NOTUM: variants seen among roughly 807,000 people sequenced by gnomAD.
NOTUM encodes palmitoleoyl-protein carboxylesterase NOTUM.
Under a neutral mutation model 65.5 loss-of-function variants are expected in NOTUM, and 36 were observed. That is an observed-to-expected ratio of 0.55 (90% CI 0.42 to 0.73). NOTUM has a LOEUF of 0.73. Ranked by LOEUF, NOTUM falls within the 30% of genes least tolerant of loss-of-function variation. The pLI, the probability that NOTUM is intolerant of heterozygous loss-of-function variation, is 0.00. For missense variants in NOTUM, 659 were observed against 694.2 expected (o/e 0.95, Z 0.57); for synonymous variants, 356 against 297.9 (o/e 1.20, Z -2.01).
intron 6 of NOTUM, 72 bp from the exon 7 acceptor site, chr17:81,957,146 T>G: frequency 7.4e-7 from 1 of 1,351,638 alleles, no homozygotes; most frequent in Non-Finnish European, 1.0e-6. Flanking sequence ...CTGCTCAGCG[T>G]CAGCCCGTGC....
At chr17:81,958,841 A>G in intron 4 of NOTUM, 94 bp downstream of exon 4, 1 of 942,094 alleles carries the variant, frequency 1.1e-6, no homozygotes, top group Non-Finnish European at 1.7e-6. Flanking sequence ...CCCCCAGGAA[A>G]GACCATTTCA....
At chr17:81,958,794 G>T in intron 4 of NOTUM, 141 bp downstream of exon 4, 1 of 673,584 alleles carries the variant, frequency 1.5e-6, no homozygotes, top group Non-Finnish European at 2.6e-6. Context: ...AACCCCTCTA[G>T]GACAGGACCT....
chr17:81,958,811 A>G, intron 4 of NOTUM, 124 bp downstream of exon 4: 6 of 733,504 alleles, frequency 8.2e-6, no homozygotes, highest in Non-Finnish European at 1.4e-5. Flanking sequence ...ACCTCCCCAA[A>G]AGAACCATCC....
chr17:81,960,854 C>A lies in NOTUM; in HGVS notation c.56G>T (p.Gly19Val). 6.7e-7 allele frequency: 1 copy of A among 1,486,294 alleles called. No individual in the cohort carries two copies. The highest frequency in any genetic ancestry group is 1.3e-5 in the South Asian group (1 of 76,372). 92.1% of individuals were successfully genotyped at this position (1,486,294 alleles called of 1,614,324 possible). Residue 19 changes from glycine to valine, a missense_variant, in exon 1 of 11, where the codon GGC becomes GTC. By Grantham distance (109) the Gly-to-Val change is moderately radical. Transcript: ENST00000409678. This position sits in a 1 kb window ranked among gnomAD's most constrained non-coding sequence, Gnocchi z 6.4. ...LLLSLLHCAGGSEGRKTWRRR... is the reference protein window; with the variant it reads ...LLLSLLHCAGVSEGRKTWRRR... The stretch of plus-strand genomic sequence containing the variant: ...CCGCCAGGTCTTCCTGCCCTCGCTG[C>A]CCCCGGCGCAGTGCAGCAGGCTCAG...
chr17:81,960,736 G>A lies in NOTUM; in HGVS notation c.174C>T (p.Ala58=), dbSNP rs1321830556. Residue 58 remains alanine, a synonymous_variant, in exon 1 of 11, where the codon GCC becomes GCT. Coordinates refer to ENST00000409678, the MANE Select transcript of NOTUM (RefSeq NM_178493.6). This position sits in a 1 kb window ranked among gnomAD's most constrained non-coding sequence, Gnocchi z 6.4. ...PVESFPLDFT[A]VEGNMDSFMA... ...TGAAGCTGTCCATGTTACCCTCCAC[G>A]GCCGTGAAGTCCAGCGGGAAGCTCT... 4 of 1,600,346 alleles carry A rather than the reference G, an allele frequency of 2.5e-6. No homozygotes were observed. Among genetic ancestry groups the A allele is most frequent in the African/African-American group, 2.7e-5 (2 of 74,734 alleles).
chr17:81,958,875 C>T, intron 4 of NOTUM, 60 bp downstream of exon 4: 3 of 1,278,076 alleles, frequency 2.3e-6, no homozygotes, highest in Admixed American at 1.7e-5. Flanking sequence ...CAAGGAAGGA[C>T]CCCCCGGGAA....
rs556378468 is a variant in NOTUM at position 81,956,992 on chromosome 17, G to A, written c.778C>T (p.Arg260Ter). The A allele has an allele frequency of 1.9e-6, 3 of 1,612,544 alleles. No homozygotes were observed. Among genetic ancestry groups the A allele is most frequent in the South Asian group, 2.2e-5 (2 of 91,070 alleles). ...EKLGYPAIQV[R>*]GLADSGWFLD... is the part of the protein sequence containing the mutation. ...AACCAGCCGGAGTCAGCCAGGCCTC[G>A]CACCTGGATGGCTGGGTAGCCCAGC... The change falls in exon 7 of 11, where the codon CGA becomes TGA. Residue 260 changes from arginine to a stop codon, truncating the protein, a stop_gained. Coordinates refer to ENST00000409678, the MANE Select transcript of NOTUM (RefSeq NM_178493.6). LOFTEE classifies it high-confidence loss of function.
chr17:81,960,619 G>T lies in NOTUM; in HGVS notation c.291C>A (p.Thr97=). The T allele has an allele frequency of 6.5e-7, 1 of 1,532,948 alleles. No homozygotes were observed. The highest frequency in any genetic ancestry group is 8.8e-7 in the Non-Finnish European group (1 of 1,131,686). The allele number at this position is 1,532,948 out of a possible 1,614,324, so 95.0% of individuals were successfully genotyped here. Residue 97 remains threonine (T), a synonymous_variant, in exon 1 of 11, where the codon ACC becomes ACA. Transcript: ENST00000409678. This position sits in a 1 kb window ranked among gnomAD's most constrained non-coding sequence, Gnocchi z 6.4. ...GGCTGCCGTCGTTGCAGGTCACCGA[G>T]GTGTTGAGTAGGAGGTGCAGGCGCA... The part of the protein sequence containing the change: ...EDLRLHLLLN[T]SVTCNDGSPA...
Position 81,953,059 on chromosome 17 carries a change from G to A in NOTUM, c.1393C>T (p.Gln465Ter), listed in dbSNP as rs371419822. 7.6e-5 allele frequency: 122 copies of A among 1,613,846 alleles called. No homozygotes were observed. The highest frequency in any genetic ancestry group is 9.2e-5 in the Non-Finnish European group (108 of 1,179,894). ...TCGAAGCCCATGTGCATGAGGAACT[G>A]GGCCACGTTCATCTCTTGCCCCGTG... ...QFTGQEMNVA[Q>*]FLMHMGFDMQ... The change falls in exon 11 of 11, where the codon CAG (glutamine) becomes TAG (stop). Residue 465 changes from glutamine (Q) to a stop codon, truncating the protein, a stop_gained. Transcript: ENST00000409678. LOFTEE classifies it high-confidence loss of function.
At chr17:81,954,122 G>A in intron 10 of NOTUM, 134 bp downstream of exon 10, 1 of 650,136 alleles carries the variant, frequency 1.5e-6, no homozygotes. Context: ...AAGTGGCTCT[G>A]GCACCCCTAT....
Position 81,959,650 on chromosome 17 carries a change from G to T in NOTUM, c.366C>A (p.Leu122=). 1 of 1,544,256 alleles carries T rather than the reference G, an allele frequency of 6.5e-7. No individual in the cohort carries two copies. The part of the protein sequence containing the change: ...KESRGSRRWL[L]FLEGGWYCFN... ...CAGCCCTGGACGCACCTTCCAGGAA[G>T]AGGAGCCACCGCCGGCTGCCCCTGG... is the stretch of plus-strand genomic sequence containing the variant. The change falls in exon 2 of 11, where the codon CTC becomes CTA. Residue 122 remains leucine (L), a synonymous_variant. Transcript: ENST00000409678.
rs1475133399 is a variant in NOTUM at position 81,953,234 on chromosome 17, C to T, written c.1218G>A (p.Ser406=). 9.9e-6 allele frequency: 16 copies of T among 1,611,172 alleles called. No individual in the cohort carries two copies. Among genetic ancestry groups the T allele is most frequent in the East Asian group, 2.2e-5 (1 of 44,840 alleles). ...HWTDVQVKGT[S]LPRALHCWDR... is the part of the protein sequence containing the mutation. ...CCCAGCAGTGCAGTGCTCGGGGCAG[C>T]GACGTCCCCTTCACCTGGACATCCG... is the stretch of plus-strand genomic sequence containing the variant. The change falls in exon 11 of 11, where the codon TCG becomes TCA. Residue 406 remains serine (S), a synonymous_variant. Transcript: ENST00000409678.
chr17:81,959,462 G>T lies in NOTUM; in HGVS notation c.472+9C>A. ...CGTCGAGACGCCTTCCCCAGGGCCC[G>T]CCGCTGACCTGTGCGAGTGCGCGGC... is the stretch of plus-strand genomic sequence containing the variant. On this transcript the variant is annotated intron_variant, in intron 3 of 10. Coordinates refer to ENST00000409678, the MANE Select transcript of NOTUM (RefSeq NM_178493.6). 1.3e-6 allele frequency: 2 copies of T among 1,542,770 alleles called. No individual in the cohort carries two copies. Among genetic ancestry groups the T allele is most frequent in the Non-Finnish European group, 1.7e-6 (2 of 1,143,692 alleles).
chr17:81,954,439 G>A (rs905032217), intron 9 of NOTUM, 136 bp from the exon 10 acceptor site: 11 of 639,994 alleles, frequency 1.7e-5, no homozygotes, highest in Admixed American at 2.6e-5. Flanking sequence ...CCTCTGGCCC[G>A]GGCCTCCCCC....
Position 81,956,767 on chromosome 17 carries a change from A to G in NOTUM, c.888-17T>C. ...TTCCAGTACCTGGAGCCACAGCCACAGGTTAGGCTGCCGTGGGTCTCGTCC... is the reference window on the plus strand; with the variant it reads ...TTCCAGTACCTGGAGCCACAGCCACGGGTTAGGCTGCCGTGGGTCTCGTCC... On this transcript the variant is annotated splice_polypyrimidine_tract_variant and intron_variant, in intron 7 of 10. Transcript: ENST00000409678. 1 of 1,608,778 alleles carries G rather than the reference A, an allele frequency of 6.2e-7. No homozygotes were observed. The highest frequency in any genetic ancestry group is 1.3e-5 in the African/African-American group (1 of 74,966).
At position 81,953,140 on chromosome 17, in the gene NOTUM, C is replaced by G; in HGVS notation, c.1312G>C (p.Asp438His). 1 of 1,613,322 alleles carries G rather than the reference C, an allele frequency of 6.2e-7. No homozygotes were observed. Among genetic ancestry groups the G allele is most frequent in the South Asian group, 1.1e-5 (1 of 91,042 alleles). ...PLKGCPVHLV[D>H]SCPWPHCNPS... ...TTGCAGTGGGGCCAGGGGCAGCTGT[C>G]CACCAGGTGGACGGGGCAGCCCTTG... Residue 438 changes from aspartate (D) to histidine (H), a missense_variant, in exon 11 of 11, where the codon GAC becomes CAC. Asp to His is a moderately conservative substitution (Grantham distance 81, BLOSUM62 -1). Transcript: ENST00000409678.
chr17:81,957,039 C>G lies in NOTUM; in HGVS notation c.731G>C (p.Arg244Pro). The G allele has an allele frequency of 6.2e-7, 1 of 1,609,266 alleles. No individual in the cohort carries two copies. The highest frequency in any genetic ancestry group is 8.5e-7 in the Non-Finnish European group (1 of 1,179,860). The change falls in exon 7 of 11, where the codon CGT becomes CCT. Residue 244 changes from arginine to proline, a missense_variant. Physicochemically the swap from Arg to Pro is moderately radical, Grantham distance 103. Transcript: ENST00000409678. Reference sequence around the variant, plus strand: ...CAGCTTCTCCAGCTGCTCAGCCACACGGTCCACATTCAGGAGCACCCCGGT... The same window carrying G: ...CAGCTTCTCCAGCTGCTCAGCCACAGGGTCCACATTCAGGAGCACCCCGGT... ...GGTGVLLNVD[R>P]VAEQLEKLGY...
chr17:81,959,560 C>A lies in NOTUM; in HGVS notation c.383G>T (p.Trp128Leu). 1 of 1,548,950 alleles carries A rather than the reference C, an allele frequency of 6.5e-7. No homozygotes were observed. The highest frequency in any genetic ancestry group is 1.2e-5 in the South Asian group (1 of 84,016). Reference protein sequence around the residue: ...RRWLLFLEGGWYCFNRENCDS... With the variant: ...RRWLLFLEGGLYCFNRENCDS... The stretch of plus-strand genomic sequence containing the variant: ...GCAGTTCTCGCGGTTGAAGCAGTAC[C>A]AGCCGCCTGCGGACACGACCGCCGC... Residue 128 changes from tryptophan (W) to leucine (L), a missense_variant, in exon 3 of 11, where the codon TGG becomes TTG. By Grantham distance (61) the Trp-to-Leu change is moderately conservative. Coordinates refer to ENST00000409678, the MANE Select transcript of NOTUM (RefSeq NM_178493.6).
At chr17:81,958,542 A>C in intron 4 of NOTUM, 149 bp from the exon 5 acceptor site, 1 of 638,414 alleles carries the variant, frequency 1.6e-6, no homozygotes, top group Non-Finnish European at 2.8e-6. Flanking sequence ...CCCCTCAAGA[A>C]AGACCTCCAG....
Sources: allele counts gnomAD v4.1 joint callset, GRCh38; gene constraint gnomAD v4.1.1; non-coding constraint Gnocchi (gnomAD v3.1); transcripts MANE v1.5; gene names NCBI Gene and HGNC (gene_info 2026-07-23, HGNC 2026-07-21).